Variants in RPA1 observed in about 807,000 individuals in gnomAD.
RPA1 encodes the protein replication protein A 70 kDa DNA-binding subunit.
Under a neutral mutation model 83.0 loss-of-function variants are expected in RPA1, and 49 were observed. The observed-to-expected ratio is 0.59, with a 90% CI of 0.47 to 0.75. The LOEUF is 0.75. Among genes scored for constraint, RPA1 ranks in the 30% least tolerant of loss-of-function variants. The probability of loss-of-function intolerance (pLI) is 0.00; values close to 1 mark genes in which losing one functional copy is unlikely to be tolerated. For synonymous variants in RPA1, 279 were observed against 281.8 expected, an observed-to-expected ratio of 0.99 and a Z score of 0.10; for missense variants, 693 against 776.1, an observed-to-expected ratio of 0.89 and a Z score of 1.27.
chr17:1,892,230 C>G (rs962012729), intron 15 of RPA1, among the ~76,000 whole-genome samples: 3 of 152,210 alleles, frequency 2.0e-5, no homozygotes, highest in African/African-American at 7.2e-5. Context: ...TGGTCTCGAA[C>G]TCCTGACCTC....
intron 1 of RPA1, among the ~76,000 whole-genome samples, chr17:1,836,502 T>G (rs1192785650): frequency 6.6e-6 from 1 of 152,130 alleles, no homozygotes; most frequent in Admixed American, 6.6e-5. Context: ...TATAGAATAC[T>G]TCCATCAACG....
At chr17:1,841,762 AT>A (rs1474387059) in intron 1 of RPA1, among the ~76,000 whole-genome samples, 1 of 152,064 alleles carries the variant, frequency 6.6e-6, no homozygotes, top group South Asian at 2.1e-4. Flanking sequence ...GTAACCGTAG[AT>A]TTTTTTTGTA....
chr17:1,874,015 ATAT>A (rs1913484705), intron 6 of RPA1, among the ~76,000 whole-genome samples: 9 of 69,214 alleles, frequency 1.3e-4, no homozygotes, highest in Non-Finnish European at 2.1e-4. Flanking sequence ...AAAAAAAAAT[ATAT>A]ATATATATAT....
In RPA1 at chr17:1,897,200, A is replaced by G. The variant is rs1914475397; in HGVS notation, c.*25A>G. ...AGAGGAGCAGTGCCAATCGGGCAGA[A>G]GTTTGCAAATAGGCAGAATGGAATC... On this transcript the variant is annotated 3_prime_UTR_variant, in exon 17 of 17. Coordinates refer to ENST00000254719, the MANE Select transcript of RPA1 (RefSeq NM_002945.5). 5 of 1,513,868 alleles carry G rather than the reference A, an allele frequency of 3.3e-6. No homozygotes were observed. The African/African-American group carries it at 6.9e-5, about 21-fold the overall frequency. The allele number at this position is 1,513,868 out of a possible 1,614,324, so 93.8% of individuals were successfully genotyped here.
intron 5 of RPA1, chr17:1,858,202 G>A: frequency 6.2e-7 from 1 of 1,614,008 alleles, no homozygotes; most frequent in African/African-American, 1.3e-5. Context: ...TGCAAACTTA[G>A]CTGTGTGGAT....
intron 1 of RPA1, among the ~76,000 whole-genome samples, chr17:1,840,270 A>T (rs1011796482): frequency 9.9e-5 from 15 of 152,138 alleles, no homozygotes; most frequent in Non-Finnish European, 1.6e-4. Flanking sequence ...AGCTGGGACT[A>T]CAGGTGTGCA....
At chr17:1,879,731 C>T (rs1267168583) in intron 11 of RPA1, 32 bp downstream of exon 11, 1 of 1,613,438 alleles carries the variant, frequency 6.2e-7, no homozygotes, top group Admixed American at 1.7e-5. Context: ...TCAACACGCA[C>T]AGGACCTCCT....
chr17:1,853,887 G>A (rs1304258157), intron 5 of RPA1, among the ~76,000 whole-genome samples: 2 of 152,180 alleles, frequency 1.3e-5, no homozygotes, highest in Non-Finnish European at 2.9e-5. Flanking sequence ...TGCACTGGTA[G>A]CTTTTAGAAT....
Position 1,884,274 on chromosome 17 carries a change from C to T in RPA1, c.1374+330C>T, listed in dbSNP as rs2151289219. ...GGGTCCACGTTTCTTTCCTGTGATCCTTCCTGCAAATTTAAGCGCCCACAT... is the reference window on the plus strand; with the variant it reads ...GGGTCCACGTTTCTTTCCTGTGATCTTTCCTGCAAATTTAAGCGCCCACAT... On this transcript the variant is annotated intron_variant, in intron 13 of 16. Coordinates refer to ENST00000254719, the MANE Select transcript of RPA1 (RefSeq NM_002945.5). This position sits in a 1 kb window ranked among gnomAD's most constrained non-coding sequence, Gnocchi z 4.1. Among the ~76,000 whole-genome samples the T allele has an allele frequency of 6.6e-6, 1 of 152,224 alleles. No homozygotes were observed. Among genetic ancestry groups the T allele is most frequent in the African/African-American group, 2.4e-5 (1 of 41,536 alleles).
chr17:1,860,632 G>A (rs1189419177), intron 5 of RPA1, among the ~76,000 whole-genome samples: 1 of 149,738 alleles, frequency 6.7e-6, no homozygotes, highest in Non-Finnish European at 1.5e-5. Flanking sequence ...GACATACAGA[G>A]CACAATGACA....
chr17:1,867,621 G>T (rs928691058), intron 5 of RPA1, among the ~76,000 whole-genome samples: 2 of 152,040 alleles, frequency 1.3e-5, no homozygotes, highest in African/African-American at 4.8e-5. Context: ...CGAGGTGGGA[G>T]GATCACTTGA....
intron 5 of RPA1, chr17:1,858,385 T>C: frequency 1.9e-6 from 3 of 1,599,700 alleles, no homozygotes; most frequent in Non-Finnish European, 2.6e-6. Context: ...GATACAGAGC[T>C]GAGGGCTAAA....
intron 1 of RPA1, 119 bp downstream of exon 1, chr17:1,830,245 G>C: frequency 1.4e-6 from 1 of 727,714 alleles, no homozygotes; most frequent in Non-Finnish European, 1.9e-6. Context: ...GGGAGGAGAT[G>C]GCGGGGGGCG....
chr17:1,851,280 T>C (rs72824314), intron 4 of RPA1, among the ~76,000 whole-genome samples: 1 of 53,388 alleles, frequency 1.9e-5, no homozygotes, highest in South Asian at 6.6e-4. Flanking sequence ...TGTGCGTGTG[T>C]GTGTGTGTGC....
chr17:1,872,526 G>A lies in RPA1; in HGVS notation c.454G>A (p.Gly152Ser). 1 of 1,613,484 alleles carries A rather than the reference G, an allele frequency of 6.2e-7. No individual in the cohort carries two copies. The highest frequency in any genetic ancestry group is 8.5e-7 in the Non-Finnish European group (1 of 1,179,898). The change falls in exon 6 of 17, where the codon GGT becomes AGT. Residue 152 changes from glycine to serine, a missense_variant and splice_region_variant. By Grantham distance (56) the Gly-to-Ser change is moderately conservative (BLOSUM62 0). Coordinates refer to ENST00000254719, the MANE Select transcript of RPA1 (RefSeq NM_002945.5). Reference sequence around the variant, plus strand: ...GCCGCAGAATGGAAGCTCGGGAATGGGTGAGATGCCTCACGGGGCGTGCGC... The same window carrying A: ...GCCGCAGAATGGAAGCTCGGGAATGAGTGAGATGCCTCACGGGGCGTGCGC... Reference protein sequence around the residue: ...PQPQNGSSGMGSTVSKAYGAS... With the variant: ...PQPQNGSSGMSSTVSKAYGAS...
At chr17:1,841,388 C>A (rs574986308) in intron 1 of RPA1, among the ~76,000 whole-genome samples, 1 of 152,196 alleles carries the variant, frequency 6.6e-6, no homozygotes, top group Non-Finnish European at 1.5e-5. Context: ...CCTGCAACCT[C>A]CGCCTCCTGG....
intron 5 of RPA1, among the ~76,000 whole-genome samples, chr17:1,865,601 A>G (rs1446249513): frequency 6.6e-6 from 1 of 152,038 alleles, no homozygotes; most frequent in African/African-American, 2.4e-5. Context: ...GAGAAATCTT[A>G]CTCCTACCCT....
At chr17:1,882,032 A>AAGGCAGCT (rs17292182) in intron 12 of RPA1, among the ~76,000 whole-genome samples, 6,997 of 152,218 alleles carry the variant, frequency 0.046, 241 homozygotes, top group Non-Finnish European at 0.073. Context: ...CTGACAGGAG[A>AAGGCAGCT]AGGCAGCTGT....
intron 16 of RPA1, 58 bp downstream of exon 16, chr17:1,895,153 G>A (rs369372964): frequency 9.3e-5 from 128 of 1,383,368 alleles, no homozygotes; most frequent in Non-Finnish European, 1.2e-4. Context: ...TGTCACCTAC[G>A]GCAGTGTCGT....
Sources: allele counts gnomAD v4.1 joint callset (sites outside exome capture counted in the v4.1 genomes callset), GRCh38; gene constraint gnomAD v4.1.1; non-coding constraint Gnocchi (gnomAD v3.1); transcripts MANE v1.5; gene names NCBI Gene and HGNC (gene_info 2026-07-23, HGNC 2026-07-21).